Variants in LRP2 observed in about 807,000 individuals in gnomAD.
LRP2 encodes LDL receptor related protein 2, also known as low-density lipoprotein receptor-related protein 2.
A neutral mutation model predicts 531.0 loss-of-function variants in LRP2; 172 were observed. That is an observed-to-expected ratio of 0.32 (90% CI 0.29 to 0.37). The LOEUF is 0.37. Among genes scored for constraint, LRP2 ranks in the 10% least tolerant of loss-of-function variants. The pLI is 1.00. For synonymous variants in LRP2, 1,992 were observed against 2,027.6 expected (o/e 0.98, Z 0.47); for missense variants, 5,167 against 5,868.3 (o/e 0.88, Z 3.90).
intron 1 of LRP2, among the ~76,000 whole-genome samples, chr2:169,334,885 C>A (rs1037530182): frequency 1.3e-5 from 2 of 152,202 alleles, no homozygotes; most frequent in African/African-American, 4.8e-5. Flanking sequence ...GCACAGCCGT[C>A]CCTCCATGAA....
At chr2:169,187,912 T>G in intron 49 of LRP2, 58 bp downstream of exon 49, 50 of 1,564,850 alleles carry the variant, frequency 3.2e-5, no homozygotes, top group Non-Finnish European at 4.1e-5. Flanking sequence ...CGTGAAGGGT[T>G]GAGAATCCAT....
chr2:169,273,736 C>T (rs1383288719), intron 14 of LRP2, among the ~76,000 whole-genome samples: 1 of 152,074 alleles, frequency 6.6e-6, no homozygotes, highest in African/African-American at 2.4e-5. Context: ...GTCTTTTTAG[C>T]CTTTGACTTA....
At chr2:169,142,822 G>A (rs1342947564) in intron 70 of LRP2, 29 bp from the exon 71 acceptor site, 14 of 1,612,894 alleles carry the variant, frequency 8.7e-6, no homozygotes, top group Non-Finnish European at 1.1e-5. Context: ...CAGCAGTTAG[G>A]TCCTGACAGA....
chr2:169,294,284 G>A (rs1221869037), intron 5 of LRP2, 23 bp from the exon 6 acceptor site: 1 of 1,382,434 alleles, frequency 7.2e-7, no homozygotes, highest in East Asian at 2.3e-5. Flanking sequence ...GTTAAGAAGG[G>A]AAAGAAAAGA....
chr2:169,229,607 T>C (rs1245969662), intron 31 of LRP2, among the ~76,000 whole-genome samples: 1 of 152,214 alleles, frequency 6.6e-6, no homozygotes, highest in Admixed American at 6.5e-5. Context: ...GTGGGGAATA[T>C]ATTTTCTAAA....
chr2:169,130,486 C>G (rs571954961), intron 77 of LRP2, among the ~76,000 whole-genome samples: 2 of 152,248 alleles, frequency 1.3e-5, no homozygotes, highest in African/African-American at 4.8e-5. Context: ...TGGGGTTTCA[C>G]TATGTTGGCC....
intron 38 of LRP2, among the ~76,000 whole-genome samples, chr2:169,208,919 T>C (rs1345815109): frequency 6.6e-6 from 1 of 152,148 alleles, no homozygotes; most frequent in Non-Finnish European, 1.5e-5. Context: ...CAAGCTTATG[T>C]GCATGAATAA....
chr2:169,226,497 G>A lies in LRP2; in HGVS notation c.5319C>T (p.Pro1773=). The A allele has an allele frequency of 1.2e-6, 2 of 1,612,874 alleles. No homozygotes were observed. The highest frequency in any genetic ancestry group is 2.2e-5 in the South Asian group (2 of 91,052). ...CTAAACCATTCTGTATCCCTGCTAT[G>A]GGGACCATAGCATCATTGCTCTTCA... ...PEVKSNDAMV[P]IAGIQNGLDV... Residue 1773 remains proline (P), a synonymous_variant, in exon 32 of 79, where the codon CCC becomes CCT. Coordinates refer to ENST00000649046, the MANE Select transcript of LRP2 (RefSeq NM_004525.3).
intron 16 of LRP2, among the ~76,000 whole-genome samples, chr2:169,266,491 C>T (rs1457824615): frequency 6.6e-6 from 1 of 151,946 alleles, no homozygotes; most frequent in Non-Finnish European, 1.5e-5. Flanking sequence ...ATGCATTAGC[C>T]AAAAATTCTC....
In LRP2 at chr2:169,150,995, G is replaced by A. The variant is rs570499038; in HGVS notation, c.12493C>T (p.Arg4165Cys). Residue 4165 changes from arginine to cysteine, a missense_variant, in exon 68 of 79, where the codon CGC becomes TGC. Arg to Cys is a radical substitution (Grantham distance 180). This residue lies in a region of LRP2 where 564 missense variants were observed against 747.7 expected (regional missense o/e 0.75). Coordinates refer to ENST00000649046, the MANE Select transcript of LRP2 (RefSeq NM_004525.3). The part of the protein sequence containing the change: ...HIYWSDVKNK[R>C]IEVAKLDGRY... ...CCATCAAGTTTAGCCACCTCAATGC[G>A]TTTATTCTTGACATCTGACCAGTAA... The A allele has an allele frequency of 2.6e-5, 42 of 1,613,906 alleles. No individual in the cohort carries two copies. Among genetic ancestry groups the A allele is most frequent in the East Asian group, 1.6e-4 (7 of 44,862 alleles).
intron 76 of LRP2, among the ~76,000 whole-genome samples, chr2:169,134,976 A>C (rs188869578): frequency 4.5e-4 from 69 of 152,210 alleles, no homozygotes; most frequent in Non-Finnish European, 7.5e-4. Context: ...TCTCCTTCAC[A>C]TTAGTCACTC....
chr2:169,247,296 G>GTACTTAT, intron 20 of LRP2, 82 bp downstream of exon 20: 2 of 1,384,076 alleles, frequency 1.4e-6, no homozygotes, highest in Non-Finnish European at 1.0e-6. Flanking sequence ...TAAGTAATAA[G>GTACTTAT]TACTTAAAGA....
intron 12 of LRP2, 76 bp downstream of exon 12, chr2:169,279,296 C>T: frequency 9.5e-7 from 1 of 1,048,494 alleles, no homozygotes; most frequent in Non-Finnish European, 1.5e-6. Flanking sequence ...TTGATTAATC[C>T]AGTAGATGTT....
intron 9 of LRP2, among the ~76,000 whole-genome samples, chr2:169,283,240 A>G (rs1683754838): frequency 6.6e-6 from 1 of 152,198 alleles, no homozygotes; most frequent in Non-Finnish European, 1.5e-5. Flanking sequence ...AATGCACAAC[A>G]CTTCCTGAAT....
rs757589934 is a variant in LRP2 at position 169,185,918 on chromosome 2, T to C, written c.9430A>G (p.Met3144Val). ...TCAACACAAGTCCGCTTGTCAGACA[T>C]GAGCTTGTAACCAGGACGACAGGAA... The part of the protein sequence containing the change: ...YCSCRPGYKL[M>V]SDKRTCVDID... Residue 3144 changes from methionine to valine, a missense_variant, in exon 50 of 79, where the codon ATG (methionine) becomes GTG (valine). By Grantham distance (21) the Met-to-Val change is conservative. Around this residue, in one of 6 missense-constraint regions of LRP2, gnomAD observed 1,129 missense variants for 1,362.7 expected, o/e 0.83. Transcript: ENST00000649046. 1.2e-6 allele frequency: 2 copies of C among 1,613,942 alleles called. No individual in the cohort carries two copies. The highest frequency in any genetic ancestry group is 3.3e-5 in the Admixed American group (2 of 60,000).
At chr2:169,292,453 A>T in intron 6 of LRP2, 84 bp from the exon 7 acceptor site, 1 of 889,136 alleles carries the variant, frequency 1.1e-6, no homozygotes, top group Non-Finnish European at 1.9e-6. Flanking sequence ...CCTAAGCAGT[A>T]CTCCTAGAAA....
chr2:169,182,121 G>A, intron 51 of LRP2, 46 bp downstream of exon 51: 1 of 1,611,016 alleles, frequency 6.2e-7, no homozygotes, highest in Admixed American at 1.7e-5. Flanking sequence ...AACAGAGGCA[G>A]AAGAAGGAGG....
rs1684774988 is a variant in LRP2, at chr2:169,316,773, AT to A, written c.310+1988del. Among the ~76,000 whole-genome samples the A allele has an allele frequency of 3.9e-5, 6 of 152,264 alleles. No individual in the cohort carries two copies. In the South Asian group the frequency reaches 8.3e-4, roughly 21 times the overall value. On this transcript the variant is annotated intron_variant, in intron 3 of 78. Transcript: ENST00000649046. ...TGAGACTATCCTGAGAGTGTCCAGA[AT>A]GAGAAAAGCTGCTCAGGGCAGGGCT...
At chr2:169,284,665 G>GA (rs1303031715) in intron 9 of LRP2, among the ~76,000 whole-genome samples, 2 of 151,654 alleles carry the variant, frequency 1.3e-5, no homozygotes, top group East Asian at 1.9e-4. Context: ...CTAACCAGAG[G>GA]AAAAAAAACC....
Sources: allele counts gnomAD v4.1 joint callset (sites outside exome capture counted in the v4.1 genomes callset), GRCh38; gene constraint gnomAD v4.1.1; regional missense constraint gnomAD v4.1.1; transcripts MANE v1.5; gene names NCBI Gene and HGNC (gene_info 2026-07-23, HGNC 2026-07-21).